Variants in KLHL14 observed in about 807,000 individuals in gnomAD.
KLHL14 encodes kelch like family member 14, also known as kelch-like protein 14.
Under a neutral mutation model 64.3 loss-of-function variants are expected in KLHL14, and 22 were observed. That is an observed-to-expected ratio of 0.34 (90% CI 0.24 to 0.49). KLHL14 has a LOEUF of 0.49. Ranked by LOEUF, KLHL14 falls within the 20% of genes least tolerant of loss-of-function variation. KLHL14 has a pLI of 0.99. For missense variants in KLHL14, 661 were observed against 789.0 expected, an observed-to-expected ratio of 0.84 and a Z score of 1.94; for synonymous variants, 322 against 333.4, an observed-to-expected ratio of 0.97 and a Z score of 0.37.
chr18:32,741,080 C>A (rs2050194294), intron 3 of KLHL14, among the ~76,000 whole-genome samples: 1 of 152,104 alleles, frequency 6.6e-6, no homozygotes, highest in Admixed American at 6.5e-5. Context: ...AAATGTATGG[C>A]TTTGATTTAT....
intron 3 of KLHL14, among the ~76,000 whole-genome samples, chr18:32,737,142 A>T (rs547560221): frequency 6.6e-6 from 1 of 152,124 alleles, no homozygotes; most frequent in South Asian, 2.1e-4. Context: ...GAAACACACT[A>T]TCTATGAACC....
In KLHL14 at chr18:32,750,093, C is replaced by T. The variant is rs78666491; in HGVS notation, c.948-8044G>A. 5.6e-3 allele frequency among the ~76,000 whole-genome samples: 846 copies of T among 151,564 alleles called. 10 individuals carry two copies. The highest frequency in any genetic ancestry group is 0.019 in the African/African-American group (799 of 41,312). ...GCTCTCCTCTCTCTTCTTATAAAGC[C>T]GCTAATTCCATCATGAGGGTTCCAC... On this transcript the variant is annotated intron_variant, in intron 2 of 8. Coordinates refer to ENST00000359358, the MANE Select transcript of KLHL14 (RefSeq NM_020805.3).
chr18:32,752,759 G>A (rs1190672797), intron 2 of KLHL14, among the ~76,000 whole-genome samples: 1 of 149,708 alleles, frequency 6.7e-6, no homozygotes, highest in African/African-American at 2.5e-5. Flanking sequence ...GGCTATTGTA[G>A]TGGTTCCCAA....
intron 3 of KLHL14, among the ~76,000 whole-genome samples, chr18:32,715,869 A>T (rs1048304818): frequency 6.6e-6 from 1 of 152,182 alleles, no homozygotes; most frequent in Non-Finnish European, 1.5e-5. Context: ...ATAGTTTTCA[A>T]ATCCATCAGG....
intron 3 of KLHL14, among the ~76,000 whole-genome samples, chr18:32,703,955 C>T (rs558439930): frequency 2.6e-5 from 4 of 152,044 alleles, no homozygotes; most frequent in Non-Finnish European, 5.9e-5. Flanking sequence ...GTCAATGAAA[C>T]ACTCTAGAGC....
At chr18:32,725,000 T>TA (rs1276262750) in intron 3 of KLHL14, among the ~76,000 whole-genome samples, 1 of 149,860 alleles carries the variant, frequency 6.7e-6, no homozygotes, top group Non-Finnish European at 1.5e-5. Context: ...GTTGCTAAAA[T>TA]AAAAATTCCC....
chr18:32,714,308 C>T lies in KLHL14; in HGVS notation c.1070-18756G>A, dbSNP rs537013724. On this transcript the variant is annotated intron_variant, in intron 3 of 8. Transcript: ENST00000359358. ...TCTCTATGAGTTTATAGGCTGGCGACCACAGCTTTGGTGATTATTTAAAGA... is the reference window on the plus strand; with the variant it reads ...TCTCTATGAGTTTATAGGCTGGCGATCACAGCTTTGGTGATTATTTAAAGA... Among the ~76,000 whole-genome samples, 4 of 152,180 alleles carry T rather than the reference C, an allele frequency of 2.6e-5. No homozygotes were observed. In the South Asian group the frequency reaches 8.3e-4, roughly 32 times the overall value.
At chr18:32,724,056 A>G (rs1041312635) in intron 3 of KLHL14, among the ~76,000 whole-genome samples, 3 of 152,212 alleles carry the variant, frequency 2.0e-5, no homozygotes, top group Non-Finnish European at 4.4e-5. Flanking sequence ...CATGTTAGAA[A>G]GAGATCAAAT....
chr18:32,686,784 C>G (rs2049881382), intron 5 of KLHL14, among the ~76,000 whole-genome samples: 1 of 151,908 alleles, frequency 6.6e-6, no homozygotes, highest in South Asian at 2.1e-4. Flanking sequence ...ATTGAAATGT[C>G]TGTACCAAAA....
At chr18:32,744,698 CAT>C (rs2050215886) in intron 2 of KLHL14, 1 of 152,102 alleles carries the variant, frequency 6.6e-6, no homozygotes, top group Admixed American at 6.6e-5. Flanking sequence ...ATGGCTCACA[CAT>C]GTTTGTAAGG....
intron 5 of KLHL14, 112 bp downstream of exon 5, chr18:32,687,043 A>T: frequency 2.3e-6 from 2 of 851,186 alleles, no homozygotes; most frequent in Non-Finnish European, 3.9e-6. Flanking sequence ...ATTTTGCCTC[A>T]TATGTCTTTC....
At chr18:32,727,712 G>A (rs2050114815) in intron 3 of KLHL14, among the ~76,000 whole-genome samples, 1 of 152,164 alleles carries the variant, frequency 6.6e-6, no homozygotes, top group Admixed American at 6.5e-5. Flanking sequence ...AAATGTTTAT[G>A]TACACACAAG....
At chr18:32,762,906 T>G (rs1280748820) in intron 2 of KLHL14, among the ~76,000 whole-genome samples, 1 of 152,170 alleles carries the variant, frequency 6.6e-6, no homozygotes, top group Non-Finnish European at 1.5e-5. Flanking sequence ...GAATAAATTT[T>G]CAGTTAGAGA....
rs527810668 is a variant in KLHL14 at position 32,758,977 on chromosome 18, C to A, written c.947+10668G>T. On this transcript the variant is annotated intron_variant, in intron 2 of 8. Transcript: ENST00000359358. Reference sequence around the variant, plus strand: ...TGAGGGAATGATTGGTGATTGCTAACAGATATGGGTTTTTGGGGGAGGGAA... The same window carrying A: ...TGAGGGAATGATTGGTGATTGCTAAAAGATATGGGTTTTTGGGGGAGGGAA... Among the ~76,000 whole-genome samples the A allele has an allele frequency of 1.1e-4, 17 of 152,218 alleles. 1 individual carries two copies. The South Asian group carries it at 3.5e-3, about 32-fold the overall frequency.
Position 32,769,927 on chromosome 18 carries a change from C to A in KLHL14, c.665G>T (p.Arg222Leu). 1 of 1,614,162 alleles carries A rather than the reference C, an allele frequency of 6.2e-7. No individual in the cohort carries two copies. Among genetic ancestry groups the A allele is most frequent in the East Asian group, 2.2e-5 (1 of 44,862 alleles). Residue 222 changes from arginine to leucine, a missense_variant, in exon 2 of 9, where the codon CGC becomes CTC. By Grantham distance (102) the Arg-to-Leu change is moderately radical (BLOSUM62 -2). Around this residue, in one of 2 missense-constraint regions of KLHL14, gnomAD observed 331 missense variants for 339.0 expected, o/e 0.98. Coordinates refer to ENST00000359358, the MANE Select transcript of KLHL14 (RefSeq NM_020805.3). ...DVLLLNFEEMRALLDSLPPPV... is the reference protein window; with the variant it reads ...DVLLLNFEEMLALLDSLPPPV... Reference sequence around the variant, plus strand: ...GGGCGGCAGCGAGTCCAGCAGGGCGCGCATCTCCTCGAAGTTGAGCAGCAG... The same window carrying A: ...GGGCGGCAGCGAGTCCAGCAGGGCGAGCATCTCCTCGAAGTTGAGCAGCAG...
rs547765377 is a variant in KLHL14, at chr18:32,705,615, C to T, written c.1070-10063G>A. Among the ~76,000 whole-genome samples, 560 of 152,062 alleles carry T rather than the reference C, an allele frequency of 3.7e-3. 3 individuals carry two copies. The highest frequency in any genetic ancestry group is 0.017 in the South Asian group (82 of 4,818). On this transcript the variant is annotated intron_variant, in intron 3 of 8. Coordinates refer to ENST00000359358, the MANE Select transcript of KLHL14 (RefSeq NM_020805.3). The stretch of plus-strand genomic sequence containing the variant: ...GCTCATGCCTGTAATCCCAGCTACT[C>T]GGGAGGCTGAGGCAGGAGAATCACT...
intron 3 of KLHL14, among the ~76,000 whole-genome samples, chr18:32,728,736 CA>C (rs774489386): frequency 1.3e-5 from 2 of 152,008 alleles, no homozygotes; most frequent in East Asian, 3.9e-4. Flanking sequence ...TACAGCAAGA[CA>C]AAAGCATTAA....
chr18:32,678,214 G>A (rs1337115669), intron 7 of KLHL14, among the ~76,000 whole-genome samples: 2 of 151,940 alleles, frequency 1.3e-5, no homozygotes, highest in Admixed American at 6.6e-5. Flanking sequence ...ACACCTAGTG[G>A]GAGCTTCGTG....
intron 3 of KLHL14, among the ~76,000 whole-genome samples, chr18:32,703,900 G>GT (rs1024932484): frequency 4.6e-5 from 7 of 151,246 alleles, no homozygotes; most frequent in South Asian, 2.1e-4. Flanking sequence ...TCAAAGGTTA[G>GT]TTTTTTTTTC....
Sources: gnomAD v4.1 joint callset for allele counts (sites outside exome capture counted in the v4.1 genomes callset) on GRCh38, gnomAD v4.1.1 for gene constraint, gnomAD v4.1.1 regional missense constraint, MANE v1.5 for transcripts, NCBI Gene and HGNC (gene_info 2026-07-23, HGNC 2026-07-21) for gene names.